The following KIF26B variants were observed in gnomAD, a reference collection of about 807,000 sequenced individuals.
The protein encoded by KIF26B is kinesin family member 26B.
In KIF26B, 63 loss-of-function variants were observed where a neutral mutation model predicts 151.2. The observed-to-expected ratio is 0.42, with a 90% CI of 0.34 to 0.51. KIF26B has a LOEUF of 0.51. KIF26B is among the 20% of genes least tolerant of loss of function. KIF26B has a pLI of 0.07. For synonymous variants in KIF26B, 1,357 were observed against 1,262.1 expected (o/e 1.08, Z -1.59); for missense variants, 2,813 against 2,913.6 (o/e 0.97, Z 0.79).
chr1:245,619,938 A>G (rs1418441095), intron 9 of KIF26B, among the ~76,000 whole-genome samples: 1 of 151,702 alleles, frequency 6.6e-6, no homozygotes, highest in African/African-American at 2.4e-5. Context: ...AAAATAAAAT[A>G]AAAATTAATC....
chr1:245,444,769 A>G (rs1413321613), intron 4 of KIF26B, among the ~76,000 whole-genome samples: 1 of 152,238 alleles, frequency 6.6e-6, no homozygotes, highest in Non-Finnish European at 1.5e-5. Context: ...GTGGGAAAAT[A>G]AAAAGGGAAA....
chr1:245,313,921 C>T (rs970790441), intron 2 of KIF26B, among the ~76,000 whole-genome samples: 2 of 152,180 alleles, frequency 1.3e-5, no homozygotes, highest in African/African-American at 4.8e-5. Flanking sequence ...TCATGGCACC[C>T]CTCCTGTCAT....
intron 4 of KIF26B, among the ~76,000 whole-genome samples, chr1:245,444,954 T>C (rs538847268): frequency 3.9e-5 from 6 of 152,300 alleles, no homozygotes; most frequent in African/African-American, 1.4e-4. Context: ...TGGAAACAGA[T>C]TTCTTCCATT....
rs5782326 is a variant in KIF26B, at chr1:245,181,529, C to CA, written c.465+24857dup. Among the ~76,000 whole-genome samples, 35 of 146,580 alleles carry CA rather than the reference C, an allele frequency of 2.4e-4. 1 individual carries two copies. Among genetic ancestry groups the CA allele is most frequent in the East Asian group, 1.0e-3 (5 of 5,012 alleles). ...GTAGTAAAGTTAAAAAAAAAAAAGC[C>CA]AAAAAAAAAAATTCTTCCATTATAT... On this transcript the variant is annotated intron_variant, in intron 2 of 14. Coordinates refer to ENST00000407071, the MANE Select transcript of KIF26B (RefSeq NM_018012.4).
chr1:245,433,370 G>A (rs1383403267), intron 4 of KIF26B, among the ~76,000 whole-genome samples: 2 of 151,876 alleles, frequency 1.3e-5, no homozygotes, highest in Non-Finnish European at 2.9e-5. Context: ...GGAAGGCTGA[G>A]GCAGGAGAAT....
chr1:245,638,153 G>A (rs902912320), intron 9 of KIF26B, among the ~76,000 whole-genome samples: 1 of 151,618 alleles, frequency 6.6e-6, no homozygotes, highest in African/African-American at 2.4e-5. Context: ...TTCCATTTAT[G>A]TGCTCTTCAA....
intron 4 of KIF26B, among the ~76,000 whole-genome samples, chr1:245,472,819 G>A (rs1169043528): frequency 6.6e-6 from 1 of 152,186 alleles, no homozygotes; most frequent in Non-Finnish European, 1.5e-5. Flanking sequence ...CCCCAGGCCT[G>A]CATGGACCTA....
intron 3 of KIF26B, among the ~76,000 whole-genome samples, chr1:245,391,441 G>A (rs1673696709): frequency 6.6e-6 from 1 of 151,986 alleles, no homozygotes; most frequent in South Asian, 2.1e-4. Context: ...ATATCTCAAC[G>A]GAAACCACAT....
chr1:245,647,562 G>C (rs1335641336), intron 10 of KIF26B, among the ~76,000 whole-genome samples: 1 of 151,752 alleles, frequency 6.6e-6, no homozygotes, highest in African/African-American at 2.4e-5. Context: ...AAAAAACACC[G>C]ACCTTACAGA....
intron 3 of KIF26B, among the ~76,000 whole-genome samples, chr1:245,418,534 G>A (rs781746119): frequency 1.7e-4 from 26 of 152,198 alleles, no homozygotes; most frequent in Non-Finnish European, 2.8e-4. Context: ...CTTAGGGCTC[G>A]CTGGCCTATT....
At chr1:245,350,054 T>C (rs1672533691) in intron 2 of KIF26B, among the ~76,000 whole-genome samples, 1 of 152,078 alleles carries the variant, frequency 6.6e-6, no homozygotes, top group South Asian at 2.1e-4. Context: ...TATATATATT[T>C]TTTTTTCATA....
At chr1:245,546,210 TG>T (rs969289072) in intron 5 of KIF26B, among the ~76,000 whole-genome samples, 45 of 152,130 alleles carry the variant, frequency 3.0e-4, no homozygotes, top group African/African-American at 4.6e-4. Flanking sequence ...GTTTTGGTTT[TG>T]TTTTTTTTGT....
intron 2 of KIF26B, among the ~76,000 whole-genome samples, chr1:245,185,702 T>G (rs537504407): frequency 2.6e-4 from 40 of 152,302 alleles, no homozygotes; most frequent in African/African-American, 9.4e-4. Flanking sequence ...TTTCTAATAT[T>G]TATATTTTCT....
At chr1:245,198,261 A>G (rs1273611460) in intron 2 of KIF26B, among the ~76,000 whole-genome samples, 1 of 152,250 alleles carries the variant, frequency 6.6e-6, no homozygotes, top group Non-Finnish European at 1.5e-5. Flanking sequence ...TTCAAATTCC[A>G]GATCAGTACT....
intron 2 of KIF26B, among the ~76,000 whole-genome samples, chr1:245,338,189 C>T (rs1170498459): frequency 2.0e-5 from 3 of 152,202 alleles, no homozygotes; most frequent in Admixed American, 6.5e-5. Flanking sequence ...GATGAAGTTA[C>T]TCTAGCAAGA....
intron 2 of KIF26B, among the ~76,000 whole-genome samples, chr1:245,271,170 C>T (rs559967161): frequency 2.3e-4 from 35 of 152,202 alleles, no homozygotes; most frequent in Non-Finnish European, 4.6e-4. Context: ...TAAGATGTTT[C>T]GAGATCAGAA....
Position 245,698,173 on chromosome 1 carries a change from C to T in KIF26B, c.5892C>T (p.Pro1964=). The change falls in exon 13 of 15, where the codon CCC becomes CCT. Residue 1964 remains proline, a synonymous_variant. Transcript: ENST00000407071. This position sits in a 1 kb window ranked among gnomAD's most constrained non-coding sequence, Gnocchi z 4.0. The part of the protein sequence containing the change: ...LDTSSPVRKP[P]NSTGVRWVDG... ...CCTCTTCCCCTGTGAGAAAACCCCC[C>T]AACAGCACAGGCGTCCGCTGGGTGG... The T allele has an allele frequency of 6.2e-7, 1 of 1,614,066 alleles. No homozygotes were observed. The highest frequency in any genetic ancestry group is 8.5e-7 in the Non-Finnish European group (1 of 1,179,900).
intron 4 of KIF26B, among the ~76,000 whole-genome samples, chr1:245,450,168 T>C (rs945460555): frequency 2.0e-5 from 3 of 152,202 alleles, no homozygotes; most frequent in African/African-American, 7.2e-5. Context: ...AACTGTTGCC[T>C]GGACTCGGTA....
Position 245,564,992 on chromosome 1 carries a change from G to A in KIF26B, c.1350+24042G>A, listed in dbSNP as rs1250230812. On this transcript the variant is annotated intron_variant, in intron 5 of 14. Transcript: ENST00000407071. This position sits in a 1 kb window ranked among gnomAD's most constrained non-coding sequence, Gnocchi z 4.6. ...AGGACACCGACTAGCACTGGTCCGT[G>A]GCCTGGGGGTTAGGGAGCCCTGCTC... 2.6e-5 allele frequency among the ~76,000 whole-genome samples: 4 copies of A among 152,148 alleles called. No homozygotes were observed. The highest frequency in any genetic ancestry group is 4.4e-5 in the Non-Finnish European group (3 of 68,026).
Sources: gnomAD v4.1 joint callset for allele counts (sites outside exome capture counted in the v4.1 genomes callset) on GRCh38, gnomAD v4.1.1 for gene constraint, Gnocchi (gnomAD v3.1) non-coding constraint, MANE v1.5 for transcripts, NCBI Gene and HGNC (gene_info 2026-07-23, HGNC 2026-07-21) for gene names.